RNF38: variants seen among roughly 807,000 people sequenced by gnomAD.
The protein encoded by RNF38 is E3 ubiquitin-protein ligase RNF38.
RNF38 carries 15 observed loss-of-function variants against 67.2 expected under a neutral mutation model. The ratio of observed to expected loss-of-function variants is 0.22; its 90% confidence interval spans 0.15 to 0.34. The LOEUF is 0.34. Among genes scored for constraint, RNF38 ranks in the 10% least tolerant of loss-of-function variants. The pLI is 1.00. For synonymous variants in RNF38, 220 were observed against 218.8 expected (o/e 1.01, Z -0.05); for missense variants, 524 against 639.9 (o/e 0.82, Z 1.95).
At chr9:36,372,903 A>G (rs1313855225) in intron 3 of RNF38, among the ~76,000 whole-genome samples, 1 of 152,218 alleles carries the variant, frequency 6.6e-6, no homozygotes, top group African/African-American at 2.4e-5. Context: ...GGTTCCTAAC[A>G]GTATTGTTTA....
chr9:36,355,989 G>C (rs1023740256), intron 6 of RNF38, among the ~76,000 whole-genome samples: 4 of 152,110 alleles, frequency 2.6e-5, no homozygotes, highest in Admixed American at 6.6e-5. Flanking sequence ...TGGAATTACA[G>C]GCACGTGCCA....
At chr9:36,400,962 C>A (rs1339572531), upstream of RNF38, 3 of 984,160 alleles carry the variant, frequency 3.0e-6, no homozygotes, top group African/African-American at 5.3e-5. Flanking sequence ...CAGACCCGGG[C>A]TCCCTATGCG....
At chr9:36,387,054 C>T (rs1452718551) in intron 2 of RNF38, among the ~76,000 whole-genome samples, 2 of 152,164 alleles carry the variant, frequency 1.3e-5, no homozygotes, top group African/African-American at 2.4e-5. Context: ...CCACCTGCTT[C>T]GGCCTCCCAA....
At chr9:36,428,182 G>A (rs1338756192) in intron 1 of RNF38, among the ~76,000 whole-genome samples, 3 of 151,666 alleles carry the variant, frequency 2.0e-5, no homozygotes, top group Non-Finnish European at 4.4e-5. Context: ...TTTGGGAGGC[G>A]GAGGCAGGCG....
chr9:36,344,324 C>G (rs1833056920), intron 10 of RNF38, among the ~76,000 whole-genome samples: 1 of 152,060 alleles, frequency 6.6e-6, no homozygotes, highest in Non-Finnish European at 1.5e-5. Flanking sequence ...CTGAATTGTA[C>G]ATTTTAAATG....
chr9:36,384,170 T>C (rs185871298), intron 2 of RNF38, among the ~76,000 whole-genome samples: 1 of 152,302 alleles, frequency 6.6e-6, no homozygotes, highest in East Asian at 1.9e-4. Context: ...TAGATTCTAC[T>C]CATGTATCTG....
intron 1 of RNF38, among the ~76,000 whole-genome samples, chr9:36,444,315 G>T (rs575854528): frequency 6.6e-6 from 1 of 152,176 alleles, no homozygotes; most frequent in African/African-American, 2.4e-5. Flanking sequence ...TTGCAGGTTG[G>T]GGGGAAGGGA....
Position 36,351,281 on chromosome 9 carries a change from C to T in RNF38, c.1179-82G>A, listed in dbSNP as rs372899492. ...AGGACAGGGAGGACAGAGGCCAGTG[C>T]TATAAGGATGAAGAATGGTTAGTGT... On this transcript the variant is annotated intron_variant, in intron 8 of 11. Transcript: ENST00000259605. 10 of 869,554 alleles carry T rather than the reference C, an allele frequency of 1.2e-5. 1 individual carries two copies. Among genetic ancestry groups the T allele is most frequent in the Non-Finnish European group, 1.8e-5 (10 of 562,524 alleles). The allele number at this position is 869,554 out of a possible 1,614,324, so 53.9% of individuals were successfully genotyped here. A position where few individuals can be genotyped will look rare whatever the true frequency, so the allele number is the denominator to read the frequency against.
chr9:36,464,470 C>G (rs1305050728), intron 1 of RNF38, among the ~76,000 whole-genome samples: 1 of 151,414 alleles, frequency 6.6e-6, no homozygotes, highest in Non-Finnish European at 1.5e-5. Flanking sequence ...ACTCAGGAGG[C>G]TGAGGCAGGA....
chr9:36,410,177 A>T (rs754565045), intron 2 of RNF38, among the ~76,000 whole-genome samples: 25 of 152,238 alleles, frequency 1.6e-4, no homozygotes, highest in Non-Finnish European at 2.5e-4. Flanking sequence ...ATACTAAATA[A>T]ATTCCAGGTA....
At chr9:36,393,385 T>C (rs1401610106) in intron 1 of RNF38, among the ~76,000 whole-genome samples, 1 of 152,046 alleles carries the variant, frequency 6.6e-6, no homozygotes, top group Non-Finnish European at 1.5e-5. Context: ...AAAAGCTATA[T>C]TCAAAATAAG....
chr9:36,453,748 G>A (rs542884509), intron 1 of RNF38, among the ~76,000 whole-genome samples: 7 of 152,094 alleles, frequency 4.6e-5, no homozygotes, highest in Admixed American at 6.6e-5. Context: ...GGCTGGTCTC[G>A]AACTCCTACT....
chr9:36,435,518 T>A (rs1587132871), intron 1 of RNF38, among the ~76,000 whole-genome samples: 1 of 152,272 alleles, frequency 6.6e-6, no homozygotes, highest in East Asian at 1.9e-4. Flanking sequence ...ATAACAGGCA[T>A]CATTTAGAGG....
intron 1 of RNF38, among the ~76,000 whole-genome samples, chr9:36,430,883 CACA>C (rs1415150243): frequency 2.0e-5 from 3 of 151,990 alleles, no homozygotes; most frequent in Non-Finnish European, 1.5e-5. Flanking sequence ...TCTATACTCT[CACA>C]ACATTTCTGG....
intron 11 of RNF38, among the ~76,000 whole-genome samples, chr9:36,341,829 T>A (rs1587453084): frequency 4.8e-4 from 1 of 2,080 alleles, no homozygotes; most frequent in African/African-American, 1.2e-3. Context: ...TATATATATA[T>A]ATATATATAT....
intron 4 of RNF38, among the ~76,000 whole-genome samples, chr9:36,358,861 A>C (rs1480259182): frequency 6.6e-6 from 1 of 152,172 alleles, no homozygotes; most frequent in Non-Finnish European, 1.5e-5. Context: ...AATACAAAAA[A>C]TTAGCTGGGA....
intron 2 of RNF38, among the ~76,000 whole-genome samples, chr9:36,420,686 T>G (rs1379346977): frequency 6.6e-6 from 1 of 152,134 alleles, no homozygotes; most frequent in Admixed American, 6.5e-5. Context: ...GAGCAAAGAC[T>G]TCTGTTTTCT....
chr9:36,403,746 G>A (rs1443528568), upstream of RNF38, among the ~76,000 whole-genome samples: 1 of 152,202 alleles, frequency 6.6e-6, no homozygotes. Flanking sequence ...GGGAATAACA[G>A]CAGCCACTAT....
At chr9:36,346,554 T>TG (rs1404499861) in intron 9 of RNF38, among the ~76,000 whole-genome samples, 1 of 152,206 alleles carries the variant, frequency 6.6e-6, no homozygotes, top group Non-Finnish European at 1.5e-5. Context: ...ATAACTCATT[T>TG]GGTTTATCTC....
Sources: gnomAD v4.1 joint callset for allele counts (sites outside exome capture counted in the v4.1 genomes callset) on GRCh38, gnomAD v4.1.1 for gene constraint, MANE v1.5 for transcripts, NCBI Gene and HGNC (gene_info 2026-07-23, HGNC 2026-07-21) for gene names.